Variants in ZFYVE1 observed in about 807,000 individuals in gnomAD.
ZFYVE1 encodes zinc finger FYVE-type containing 1.
In ZFYVE1, 30 loss-of-function variants were observed where a neutral mutation model predicts 74.4. The observed-to-expected ratio is 0.40, with a 90% CI of 0.30 to 0.55. The LOEUF (loss-of-function observed/expected upper bound fraction) is 0.55, where lower values mean the gene tolerates loss of function less well. Ranked by LOEUF, ZFYVE1 falls within the 20% of genes least tolerant of loss-of-function variation. ZFYVE1 has a pLI of 0.42. For missense variants in ZFYVE1, 703 were observed against 1,011.6 expected (o/e 0.69, Z 4.14); for synonymous variants, 335 against 385.1 (o/e 0.87, Z 1.52).
At chr14:73,014,643 T>C (rs1894153715) in intron 2 of ZFYVE1, among the ~76,000 whole-genome samples, 1 of 152,182 alleles carries the variant, frequency 6.6e-6, no homozygotes, top group African/African-American at 2.4e-5. Flanking sequence ...CCAAAATTAG[T>C]CCTTACATTA....
intron 2 of ZFYVE1, among the ~76,000 whole-genome samples, chr14:73,018,834 C>T (rs562042573): frequency 1.3e-5 from 2 of 151,902 alleles, no homozygotes; most frequent in African/African-American, 4.8e-5. Flanking sequence ...ATCCCAGCTA[C>T]TCAGGAGGCT....
At position 72,992,039 on chromosome 14, in the gene ZFYVE1, T is replaced by C. The variant is rs1893624888; in HGVS notation, c.1203+1104A>G. On this transcript the variant is annotated intron_variant, in intron 4 of 11. Coordinates refer to ENST00000556143, the MANE Select transcript of ZFYVE1 (RefSeq NM_021260.4). ...CTCCTGCCTCAGCCTCCCAAGTAGC[T>C]AGGATTACAGGAGTGCGCCACCATG... Among the ~76,000 whole-genome samples, 2 of 152,006 alleles carry C rather than the reference T, an allele frequency of 1.3e-5. 1 individual carries two copies. Among genetic ancestry groups the C allele is most frequent in the Admixed American group, 1.3e-4 (2 of 15,252 alleles).
At chr14:73,026,100 A>T (rs1230081293) in intron 1 of ZFYVE1, among the ~76,000 whole-genome samples, 1 of 150,870 alleles carries the variant, frequency 6.6e-6, no homozygotes, top group African/African-American at 2.4e-5. Context: ...ATTTTTTTAC[A>T]CTGTAATTCT....
In ZFYVE1 at chr14:72,975,117, G is replaced by A; in HGVS notation, c.1807-158C>T. 1 of 743,940 alleles carries A rather than the reference G, an allele frequency of 1.3e-6. No homozygotes were observed. The highest frequency in any genetic ancestry group is 1.8e-5 in the African/African-American group (1 of 56,496). The allele number at this position is 743,940 out of a possible 1,614,324, so 46.1% of individuals were successfully genotyped here. ...TTCTAGTAACGCGTTATCTGAGAAT[G>A]GAAAGGAAGCCTGGTGGACAGTGAG... On this transcript the variant is annotated intron_variant, in intron 9 of 11. Coordinates refer to ENST00000556143, the MANE Select transcript of ZFYVE1 (RefSeq NM_021260.4). The surrounding 1 kb of genome is among the most constrained non-coding windows in gnomAD (Gnocchi z 4.1).
intron 3 of ZFYVE1, among the ~76,000 whole-genome samples, chr14:72,994,098 G>A (rs750292330): frequency 1.3e-4 from 20 of 151,342 alleles, no homozygotes; most frequent in Non-Finnish European, 2.8e-4. Context: ...TGAGGTGGGT[G>A]GATCACCTGA....
In ZFYVE1 at chr14:73,024,636, A is replaced by G; in HGVS notation, c.-128T>C. 7.5e-7 allele frequency: 1 copy of G among 1,328,458 alleles called. No homozygotes were observed. Among genetic ancestry groups the G allele is most frequent in the Non-Finnish European group, 1.0e-6 (1 of 998,258 alleles). The allele number at this position is 1,328,458 out of a possible 1,614,324, so 82.3% of individuals were successfully genotyped here. ...AGGGTTCTGAACACTTTAAAAAAGAACACCTTTCATGTCCTGTTATAGTTC... is the reference window on the plus strand; with the variant it reads ...AGGGTTCTGAACACTTTAAAAAAGAGCACCTTTCATGTCCTGTTATAGTTC... On this transcript the variant is annotated 5_prime_UTR_variant, in exon 2 of 12. Transcript: ENST00000556143.
At chr14:72,977,247 A>G (rs1893197068) in intron 8 of ZFYVE1, among the ~76,000 whole-genome samples, 1 of 152,146 alleles carries the variant, frequency 6.6e-6, no homozygotes, top group African/African-American at 2.4e-5. Context: ...GTCTTTACTG[A>G]AAATACAAAA....
chr14:72,991,786 T>C (rs551180971), intron 4 of ZFYVE1, among the ~76,000 whole-genome samples: 2 of 152,338 alleles, frequency 1.3e-5, no homozygotes, highest in African/African-American at 4.8e-5. Context: ...TCATTTTCAA[T>C]AGTTTTTCCT....
chr14:72,996,903 G>C (rs1220247388), intron 3 of ZFYVE1, among the ~76,000 whole-genome samples: 1 of 152,168 alleles, frequency 6.6e-6, no homozygotes, highest in African/African-American at 2.4e-5. Context: ...GATTGCAATT[G>C]TTTCAGGAGC....
At chr14:73,011,171 C>CAAAAAA (rs34380657) in intron 2 of ZFYVE1, among the ~76,000 whole-genome samples, 2 of 141,904 alleles carry the variant, frequency 1.4e-5, no homozygotes, top group East Asian at 4.1e-4. Context: ...CTCACTGTCT[C>CAAAAAA]AAAAAAAAAA....
chr14:72,997,827 G>T lies in ZFYVE1; in HGVS notation c.972C>A (p.Thr324=). The T allele has an allele frequency of 1.3e-6, 2 of 1,595,376 alleles. No individual in the cohort carries two copies. Among genetic ancestry groups the T allele is most frequent in the Non-Finnish European group, 1.7e-6 (2 of 1,165,606 alleles). ...AVIIFHETVH[T]QLLGSDHPSE... ...ATCTCTCACCAGAGCCCAGTAGCTG[G>T]GTGTGCACGGTCTCATGGAAGATGA... is the stretch of plus-strand genomic sequence containing the variant. The change falls in exon 3 of 12, where the codon ACC becomes ACA. Residue 324 remains threonine (T), a synonymous_variant. Transcript: ENST00000556143.
chr14:72,980,809 G>A (rs1432926987), intron 5 of ZFYVE1, among the ~76,000 whole-genome samples: 2 of 152,066 alleles, frequency 1.3e-5, no homozygotes, highest in Non-Finnish European at 2.9e-5. Flanking sequence ...ACCTGCCTCG[G>A]CCTCCCCAAG....
chr14:72,976,727 T>C (rs1298706938), intron 8 of ZFYVE1, among the ~76,000 whole-genome samples: 1 of 138,410 alleles, frequency 7.2e-6, no homozygotes. Context: ...AGGTTGCAGT[T>C]AGCCGAGATC....
chr14:72,983,149 A>T (rs552435049), intron 4 of ZFYVE1, among the ~76,000 whole-genome samples: 249 of 151,952 alleles, frequency 1.6e-3, no homozygotes, highest in African/African-American at 5.1e-3. Flanking sequence ...TCAGCTGAAC[A>T]ATTAGAACTT....
In ZFYVE1 at chr14:72,998,319, C is replaced by CAAA. The variant is rs3061072; in HGVS notation, c.484-7_484-5dup. ...TAAAGTCTTCTTCATTTGTTACCTG[C>CAAA]AAAAAAAAAAAAAAAGACCATGAAA... On this transcript the variant is annotated splice_region_variant and splice_polypyrimidine_tract_variant and intron_variant, in intron 2 of 11. Coordinates refer to ENST00000556143, the MANE Select transcript of ZFYVE1 (RefSeq NM_021260.4). 8.6e-3 allele frequency: 10,501 copies of CAAA among 1,214,692 alleles called. 4 individuals carry two copies. Among genetic ancestry groups the CAAA allele is most frequent in the Middle Eastern group, 0.011 (37 of 3,222 alleles). The allele number at this position is 1,214,692 out of a possible 1,614,324, so 75.2% of individuals were successfully genotyped here. A position where few individuals can be genotyped will look rare whatever the true frequency, so the allele number is the denominator to read the frequency against.
chr14:72,974,648 A>G, intron 10 of ZFYVE1, 131 bp downstream of exon 10: 1 of 1,210,388 alleles, frequency 8.3e-7, no homozygotes, highest in Non-Finnish European at 1.1e-6. Context: ...TTAGAGGCTG[A>G]CTGGCCAAGA....
At chr14:72,978,671 A>G (rs1295256565) in intron 6 of ZFYVE1, among the ~76,000 whole-genome samples, 190 bp downstream of exon 6, 1 of 152,108 alleles carries the variant, frequency 6.6e-6, no homozygotes, top group Admixed American at 6.6e-5. Context: ...TAAAACAGTA[A>G]ACAAAGGGAC....
chr14:73,005,622 G>A (rs573470303), intron 2 of ZFYVE1, among the ~76,000 whole-genome samples: 29 of 152,248 alleles, frequency 1.9e-4, no homozygotes, highest in African/African-American at 7.0e-4. Context: ...AACACCTCAG[G>A]GAAATGAGAT....
intron 6 of ZFYVE1, among the ~76,000 whole-genome samples, chr14:72,978,566 CAAAAAAA>C (rs58858186): frequency 5.9e-5 from 3 of 50,974 alleles, no homozygotes; most frequent in African/African-American, 9.5e-5. Flanking sequence ...GACTCTGTCT[CAAAAAAA>C]AAAAAAAAAA....
Sources: allele counts gnomAD v4.1 joint callset (sites outside exome capture counted in the v4.1 genomes callset), GRCh38; gene constraint gnomAD v4.1.1; non-coding constraint Gnocchi (gnomAD v3.1); transcripts MANE v1.5; gene names NCBI Gene and HGNC (gene_info 2026-07-23, HGNC 2026-07-21).